Variants in MOK observed in about 807,000 individuals in gnomAD.
MOK encodes MOK protein kinase, also known as MAPK/MAK/MRK overlapping kinase.
In MOK, 59 loss-of-function variants were observed where a neutral mutation model predicts 54.2. The observed-to-expected ratio is 1.09, with a 90% CI of 0.88 to 1.35. The LOEUF (loss-of-function observed/expected upper bound fraction) is 1.35, where lower values mean the gene tolerates loss of function less well. MOK is among the 40% of genes most tolerant of loss of function. MOK has a pLI of 0.00. For missense variants in MOK, 517 were observed against 526.2 expected, an observed-to-expected ratio of 0.98 and a Z score of 0.17; for synonymous variants, 210 against 202.7, an observed-to-expected ratio of 1.04 and a Z score of -0.31.
chr14:102,227,593 G>A (rs2064303380), downstream of MOK, among the ~76,000 whole-genome samples: 1 of 152,034 alleles, frequency 6.6e-6, no homozygotes, highest in Admixed American at 6.5e-5. Context: ...CCTCCCTTCC[G>A]GTCTGAAAAT....
chr14:102,304,850 A>C, intron 1 of MOK, 112 bp downstream of exon 1: 1 of 1,258,966 alleles, frequency 7.9e-7, no homozygotes, highest in Non-Finnish European at 1.1e-6. Context: ...GCCACGGCAG[A>C]AGGCGACGAC....
intron 1 of MOK, among the ~76,000 whole-genome samples, chr14:102,285,942 C>T (rs1042231970): frequency 6.6e-6 from 1 of 152,036 alleles, no homozygotes; most frequent in Non-Finnish European, 1.5e-5. Flanking sequence ...TTCACTACTG[C>T]TGAAATTATA....
chr14:102,243,659 A>G (rs1423271824), intron 7 of MOK, among the ~76,000 whole-genome samples: 1 of 152,088 alleles, frequency 6.6e-6, no homozygotes, highest in African/African-American at 2.4e-5. Context: ...CACAATTACC[A>G]GTGTTCCTGG....
chr14:102,266,084 T>TA (rs1019247537), intron 2 of MOK, among the ~76,000 whole-genome samples, 172 bp from the exon 3 acceptor site: 10 of 152,200 alleles, frequency 6.6e-5, no homozygotes, highest in Non-Finnish European at 1.5e-4. Context: ...ATTGCTGCAT[T>TA]AAAAAATCAA....
At chr14:102,269,859 T>C (rs909370467) in intron 2 of MOK, among the ~76,000 whole-genome samples, 1 of 152,156 alleles carries the variant, frequency 6.6e-6, no homozygotes, top group Non-Finnish European at 1.5e-5. Context: ...CTCCCATAAT[T>C]GATTGAACAA....
downstream of MOK, chr14:102,226,362 T>TGGG: frequency 1.4e-6 from 1 of 703,118 alleles, no homozygotes; most frequent in East Asian, 2.7e-5. This position sits in a 1 kb window ranked among gnomAD's most constrained non-coding sequence, Gnocchi z 4.8. Flanking sequence ...CGTGTTTGAA[T>TGGG]GGGGAGGAGG....
chr14:102,272,672 T>A (rs114865435), intron 2 of MOK, among the ~76,000 whole-genome samples: 1 of 151,866 alleles, frequency 6.6e-6, no homozygotes, highest in Non-Finnish European at 1.5e-5. Context: ...AAGGAAAAAA[T>A]AATAATACCA....
In MOK at chr14:102,232,698, T is replaced by C. The variant is rs2064843242; in HGVS notation, c.703A>G (p.Met235Val). The stretch of plus-strand genomic sequence containing the variant: ...TTTTTAAAAGGAAAATCAAAATTCA[T>C]AGCTCTCGACCTGTATTAAAAACCC... ...ILTKFKQSRAMNFDFPFKKGS... is the reference protein window; with the variant it reads ...ILTKFKQSRAVNFDFPFKKGS... The change falls in exon 9 of 12, where the codon ATG becomes GTG. Residue 235 changes from methionine (M) to valine (V), a missense_variant. Coordinates refer to ENST00000361847, the MANE Select transcript of MOK (RefSeq NM_014226.3). This position sits in a 1 kb window ranked among gnomAD's most constrained non-coding sequence, Gnocchi z 5.1. The C allele has an allele frequency of 1.2e-6, 2 of 1,613,456 alleles. No individual in the cohort carries two copies. The highest frequency in any genetic ancestry group is 1.3e-5 in the African/African-American group (1 of 74,894).
At chr14:102,265,452 T>C (rs560487307) in intron 3 of MOK, among the ~76,000 whole-genome samples, 1 of 152,214 alleles carries the variant, frequency 6.6e-6, no homozygotes, top group Admixed American at 6.5e-5. Flanking sequence ...GCCAACATGG[T>C]GAAACCCCAT....
chr14:102,246,586 C>A (rs941002111), intron 7 of MOK, among the ~76,000 whole-genome samples: 1 of 152,152 alleles, frequency 6.6e-6, no homozygotes, highest in Non-Finnish European at 1.5e-5. Flanking sequence ...GCAACCCCTG[C>A]TCAGCCTATA....
chr14:102,281,764 G>C lies in MOK; in HGVS notation c.122+1714C>G, dbSNP rs2069467145. ...CCAGCTGTCTGCTCTTTAGATACGGGATAATCAGTATACTGTGCATCAAAT... is the reference window on the plus strand; with the variant it reads ...CCAGCTGTCTGCTCTTTAGATACGGCATAATCAGTATACTGTGCATCAAAT... On this transcript the variant is annotated intron_variant, in intron 2 of 11. Coordinates refer to ENST00000361847, the MANE Select transcript of MOK (RefSeq NM_014226.3). Among the ~76,000 whole-genome samples the C allele has an allele frequency of 2.0e-5, 3 of 152,178 alleles. 1 individual carries two copies. Among genetic ancestry groups the C allele is most frequent in the South Asian group, 4.2e-4 (2 of 4,816 alleles).
At chr14:102,302,452 G>T (rs1403104485) in intron 1 of MOK, among the ~76,000 whole-genome samples, 2 of 150,828 alleles carry the variant, frequency 1.3e-5, no homozygotes, top group Admixed American at 6.6e-5. Context: ...CTCTTGCTTT[G>T]TTGCCCAGGC....
At chr14:102,248,865 T>C (rs2066308008) in intron 7 of MOK, among the ~76,000 whole-genome samples, 1 of 151,748 alleles carries the variant, frequency 6.6e-6, no homozygotes, top group Non-Finnish European at 1.5e-5. Flanking sequence ...AATCCCTCAT[T>C]CTATAAGCTT....
downstream of MOK, among the ~76,000 whole-genome samples, chr14:102,227,333 C>T (rs113428329): frequency 6.6e-6 from 1 of 151,702 alleles, no homozygotes; most frequent in African/African-American, 2.4e-5. Flanking sequence ...CGCGCCGCCC[C>T]CCCTACAGCC....
At position 102,229,630 on chromosome 14, in the gene MOK, G is replaced by C; in HGVS notation, c.1009C>G (p.Arg337Gly). The C allele has an allele frequency of 1.2e-6, 2 of 1,612,960 alleles. No homozygotes were observed. The highest frequency in any genetic ancestry group is 1.1e-5 in the South Asian group (1 of 90,980). The change falls in exon 11 of 12, where the codon CGT becomes GGT. Residue 337 changes from arginine (R) to glycine (G), a missense_variant. Coordinates refer to ENST00000361847, the MANE Select transcript of MOK (RefSeq NM_014226.3). ...QKQSLKQEED[R>G]PKRRGPAYVM... ...TAGGCCGGTCCTCGTCTCTTGGGAC[G>C]GTCCTCCTCTTGCTTTAGGGACTGT...
At chr14:102,219,460 G>T in the MOK span, among the ~76,000 whole-genome samples, 1 of 152,256 alleles carries the variant, frequency 6.6e-6, no homozygotes, top group African/African-American at 2.4e-5. Context: ...GGCCACAGCA[G>T]GCCCAGCACA....
At chr14:102,239,695 C>G (rs2065545626) in intron 7 of MOK, among the ~76,000 whole-genome samples, 2 of 152,094 alleles carry the variant, frequency 1.3e-5, no homozygotes, top group African/African-American at 2.4e-5. Flanking sequence ...ATGGTGAAAC[C>G]CCTTCTCTAC....
At chr14:102,248,384 G>A (rs547458800) in intron 7 of MOK, among the ~76,000 whole-genome samples, 1 of 150,294 alleles carries the variant, frequency 6.7e-6, no homozygotes, top group South Asian at 2.1e-4. Flanking sequence ...GTCGTGGGAA[G>A]CATAAACAAA....
chr14:102,243,510 C>A (rs1225698289), intron 7 of MOK, among the ~76,000 whole-genome samples: 1 of 152,276 alleles, frequency 6.6e-6, no homozygotes, highest in East Asian at 1.9e-4. Flanking sequence ...CTTTTAGAGG[C>A]CCTCAAAATC....
Sources: allele counts gnomAD v4.1 joint callset (sites outside exome capture counted in the v4.1 genomes callset), GRCh38; gene constraint gnomAD v4.1.1; non-coding constraint Gnocchi (gnomAD v3.1); transcripts MANE v1.5; gene names NCBI Gene and HGNC (gene_info 2026-07-23, HGNC 2026-07-21).